The following HAT1 variants were observed in gnomAD, a reference collection of about 807,000 sequenced individuals.
HAT1 encodes the protein histone acetyltransferase 1.
HAT1 carries 20 observed loss-of-function variants against 56.6 expected under a neutral mutation model. The ratio of observed to expected loss-of-function variants is 0.35; its 90% confidence interval spans 0.25 to 0.51. The LOEUF is 0.51. Among genes scored for constraint, HAT1 ranks in the 20% least tolerant of loss-of-function variants. The pLI is 0.95. For synonymous variants in HAT1, 146 were observed against 165.5 expected (o/e 0.88, Z 0.91); for missense variants, 408 against 504.3 (o/e 0.81, Z 1.83).
chr2:171,924,161 C>T (rs1686516219), intron 1 of HAT1: 1 of 151,598 alleles, frequency 6.6e-6, no homozygotes, highest in Non-Finnish European at 1.5e-5. Flanking sequence ...CATCATTGTA[C>T]CCCTTTTTAT....
intron 2 of HAT1, among the ~76,000 whole-genome samples, chr2:171,942,681 A>G (rs527920269): frequency 2.0e-5 from 3 of 152,306 alleles, no homozygotes; most frequent in Non-Finnish European, 2.9e-5. Context: ...CATTTTGTAC[A>G]TGTTCTCAAG....
intron 2 of HAT1, among the ~76,000 whole-genome samples, chr2:171,945,437 G>T (rs1365870788): frequency 7.2e-5 from 11 of 151,858 alleles, no homozygotes; most frequent in African/African-American, 2.7e-4. Context: ...ACTGCTTGTG[G>T]GTGTATAAAC....
chr2:171,974,062 C>T (rs1484554805), intron 8 of HAT1, among the ~76,000 whole-genome samples: 1 of 150,920 alleles, frequency 6.6e-6, no homozygotes, highest in Non-Finnish European at 1.5e-5. Flanking sequence ...ACCCGTGGGC[C>T]CAGCTACTCA....
intron 2 of HAT1, among the ~76,000 whole-genome samples, chr2:171,943,456 G>T (rs1328976912): frequency 2.2e-4 from 31 of 138,930 alleles, no homozygotes; most frequent in African/African-American, 8.3e-4. Context: ...CAATATCTCT[G>T]ATCCCATCAC....
chr2:171,961,998 T>C (rs1239619925), intron 4 of HAT1, among the ~76,000 whole-genome samples: 4 of 152,114 alleles, frequency 2.6e-5, no homozygotes, highest in Non-Finnish European at 4.4e-5. Flanking sequence ...TTAACGTGCC[T>C]TTAATTTCAA....
chr2:171,926,687 C>G lies in HAT1; in HGVS notation c.112+1046C>G, dbSNP rs554352956. ...TCAAGCAGTCCCCTGGCTTGGCCTC[C>G]CAAAGTGTTGGGATTATAACTGTGA... On this transcript the variant is annotated intron_variant, in intron 2 of 10. Transcript: ENST00000264108. Among the ~76,000 whole-genome samples, 4 of 152,332 alleles carry G rather than the reference C, an allele frequency of 2.6e-5. No homozygotes were observed. In the East Asian group the frequency reaches 7.7e-4, roughly 29 times the overall value.
intron 2 of HAT1, among the ~76,000 whole-genome samples, chr2:171,943,822 T>C (rs1687089931): frequency 6.6e-6 from 1 of 151,386 alleles, no homozygotes; most frequent in Admixed American, 6.6e-5. Context: ...ATTTCTGGTT[T>C]CCCTAGTTGC....
At chr2:171,983,130 C>T in intron 10 of HAT1, 55 bp from the exon 11 acceptor site, 3 of 1,064,648 alleles carry the variant, frequency 2.8e-6, no homozygotes, top group Non-Finnish European at 2.7e-6. Flanking sequence ...AATTGTAAGA[C>T]TATAAGGAAA....
At chr2:171,970,635 T>C (rs1255733351) in intron 8 of HAT1, among the ~76,000 whole-genome samples, 1 of 142,068 alleles carries the variant, frequency 7.0e-6, no homozygotes, top group Non-Finnish European at 1.5e-5. Flanking sequence ...TTCTCCTGCC[T>C]CAGCCTCCCA....
chr2:171,943,986 A>C (rs1357352951), intron 2 of HAT1, among the ~76,000 whole-genome samples: 1 of 151,960 alleles, frequency 6.6e-6, no homozygotes, highest in Non-Finnish European at 1.5e-5. Flanking sequence ...CTGTACAAAA[A>C]ATTTAAAAAA....
chr2:171,942,177 T>C (rs964557095), intron 2 of HAT1, among the ~76,000 whole-genome samples: 7 of 152,226 alleles, frequency 4.6e-5, no homozygotes, highest in Non-Finnish European at 7.3e-5. Context: ...AGTGCTGGGA[T>C]TACAGGCATG....
chr2:171,970,253 C>T (rs1687780277), intron 8 of HAT1, among the ~76,000 whole-genome samples: 1 of 151,798 alleles, frequency 6.6e-6, no homozygotes, highest in Non-Finnish European at 1.5e-5. Flanking sequence ...AACCCTGTCT[C>T]TACTAAAAAT....
At chr2:171,934,002 T>C (rs551060925) in intron 2 of HAT1, among the ~76,000 whole-genome samples, 1 of 152,356 alleles carries the variant, frequency 6.6e-6, no homozygotes, top group South Asian at 2.1e-4. Flanking sequence ...TTGTGGATTG[T>C]CTATGTCTTC....
chr2:171,926,379 C>T (rs912806128), intron 2 of HAT1, among the ~76,000 whole-genome samples: 1 of 152,212 alleles, frequency 6.6e-6, no homozygotes, highest in African/African-American at 2.4e-5. Context: ...CTGCAACCTC[C>T]ACCTCCTGGG....
chr2:171,977,558 T>TATATATATATATATATATA (rs1491530330), intron 9 of HAT1, among the ~76,000 whole-genome samples: 6 of 9,458 alleles, frequency 6.3e-4, no homozygotes, highest in Non-Finnish European at 8.6e-4. Context: ...TATATATATA[T>TATATATATATATATATATA]TTTTTTTTTT....
At chr2:171,953,070 T>C in intron 4 of HAT1, 69 bp downstream of exon 4, 1 of 1,094,132 alleles carries the variant, frequency 9.1e-7, no homozygotes, top group Non-Finnish European at 1.3e-6. Context: ...TTAGGCCAGG[T>C]GCGGTGGCTC....
chr2:171,956,487 G>A (rs1687452852), intron 4 of HAT1, among the ~76,000 whole-genome samples: 1 of 151,892 alleles, frequency 6.6e-6, no homozygotes, highest in South Asian at 2.1e-4. Context: ...ACTCCAGCCT[G>A]AGTGACAGAG....
chr2:171,929,893 C>T (rs1373978549), intron 2 of HAT1, among the ~76,000 whole-genome samples: 1 of 152,048 alleles, frequency 6.6e-6, no homozygotes, highest in Non-Finnish European at 1.5e-5. Context: ...AAGATTGTTT[C>T]GATTATTCTT....
chr2:171,966,473 A>G lies in HAT1; in HGVS notation c.676A>G (p.Asn226Asp). The change falls in exon 7 of 11, where the codon AAT becomes GAT. Residue 226 changes from asparagine (N) to aspartate (D), a missense_variant. Asn to Asp is a conservative substitution (Grantham distance 23, BLOSUM62 1). Transcript: ENST00000264108. ...FATVGYMTVY[N>D]YYVYPDKTRP... ...GACCGTAGGCTACATGACAGTCTAT[A>G]ATTACTATGTGTACCCAGACAAAAC... The G allele has an allele frequency of 6.3e-7, 1 of 1,597,324 alleles. No individual in the cohort carries two copies. The highest frequency in any genetic ancestry group is 1.1e-5 in the South Asian group (1 of 90,740).
Sources: gnomAD v4.1 joint callset for allele counts (sites outside exome capture counted in the v4.1 genomes callset) on GRCh38, gnomAD v4.1.1 for gene constraint, MANE v1.5 for transcripts, NCBI Gene and HGNC (gene_info 2026-07-23, HGNC 2026-07-21) for gene names.